Variants in HNRNPUL1 observed in about 807,000 individuals in gnomAD.
HNRNPUL1 encodes the protein heterogeneous nuclear ribonucleoprotein U like 1.
A neutral mutation model predicts 108.5 loss-of-function variants in HNRNPUL1; 14 were observed. The observed-to-expected ratio is 0.13, with a 90% CI of 0.09 to 0.20. The LOEUF (loss-of-function observed/expected upper bound fraction) is 0.20. Among genes scored for constraint, HNRNPUL1 ranks in the 10% least tolerant of loss-of-function variants. The probability of loss-of-function intolerance (pLI) is 1.00; values close to 1 mark genes in which losing one functional copy is unlikely to be tolerated. For synonymous variants in HNRNPUL1, 422 were observed against 445.2 expected (o/e 0.95, Z 0.66); for missense variants, 804 against 1,168.3 (o/e 0.69, Z 4.55).
In HNRNPUL1 at chr19:41,292,004, A is replaced by C. The variant is rs2036610950; in HGVS notation, c.1000-241A>C. The C allele has an allele frequency of 5.7e-6, 3 of 529,556 alleles. No homozygotes were observed. Among genetic ancestry groups the C allele is most frequent in the Admixed American group, 3.4e-5 (1 of 29,686 alleles). 32.8% of individuals were successfully genotyped at this position (529,556 alleles called of 1,614,324 possible). ...CAAAAAAAAAAAAAACAAAAAAAAA[A>C]AACTCTTGCTTACTTGCTTCATATC... On this transcript the variant is annotated intron_variant, in intron 7 of 14. Transcript: ENST00000392006. The surrounding 1 kb of genome is among the most constrained non-coding windows in gnomAD (Gnocchi z 4.1).
chr19:41,285,657 T>C (rs1392025737), intron 7 of HNRNPUL1, among the ~76,000 whole-genome samples: 8 of 152,188 alleles, frequency 5.3e-5, no homozygotes, highest in Admixed American at 5.2e-4. Context: ...ATTGATGCTT[T>C]GTTTCTGAAG....
Position 41,292,170 on chromosome 19 carries a change from C to A in HNRNPUL1, c.1000-75C>A. On this transcript the variant is annotated intron_variant, in intron 7 of 14. Transcript: ENST00000392006. The surrounding 1 kb of genome is among the most constrained non-coding windows in gnomAD (Gnocchi z 4.1). ...GCTGTCCACATTCTACTCCCTGCAT[C>A]TACTGTCCTCACATTTGACTCCCAG... 2.0e-6 allele frequency: 3 copies of A among 1,472,742 alleles called. No individual in the cohort carries two copies. Among genetic ancestry groups the A allele is most frequent in the Non-Finnish European group, 1.9e-6 (2 of 1,062,636 alleles). The allele number at this position is 1,472,742 out of a possible 1,614,324, so 91.2% of individuals were successfully genotyped here.
At chr19:41,281,070 A>G in intron 6 of HNRNPUL1, 93 bp from the exon 7 acceptor site, 1 of 821,156 alleles carries the variant, frequency 1.2e-6, no homozygotes, top group Non-Finnish European at 2.1e-6. Context: ...AAAGAAAATG[A>G]TTTTTTTCTT....
At chr19:41,269,480 G>GAAAA (rs35932282) in intron 2 of HNRNPUL1, among the ~76,000 whole-genome samples, 2 of 48,196 alleles carry the variant, frequency 4.1e-5, no homozygotes, top group Non-Finnish European at 7.9e-5. Flanking sequence ...ACCCTGTCAC[G>GAAAA]AAAAAAAAAA....
chr19:41,269,901 C>T (rs1333488293), intron 2 of HNRNPUL1, among the ~76,000 whole-genome samples: 1 of 151,924 alleles, frequency 6.6e-6, no homozygotes, highest in Non-Finnish European at 1.5e-5. Flanking sequence ...GAGTTCAAGA[C>T]CAGCCTGGGC....
At chr19:41,271,347 A>G (rs2035226868) in intron 2 of HNRNPUL1, among the ~76,000 whole-genome samples, 1 of 152,150 alleles carries the variant, frequency 6.6e-6, no homozygotes, top group South Asian at 2.1e-4. Context: ...AGCCCAACCT[A>G]TTGCTGGGAA....
Position 41,306,539 on chromosome 19 carries a change from A to G in HNRNPUL1, c.2545A>G (p.Thr849Ala). 1 of 1,604,828 alleles carries G rather than the reference A, an allele frequency of 6.2e-7. No homozygotes were observed. Among genetic ancestry groups the G allele is most frequent in the Non-Finnish European group, 8.5e-7 (1 of 1,175,910 alleles). The change falls in exon 15 of 15, where the codon ACA becomes GCA. Residue 849 changes from threonine (T) to alanine (A), a missense_variant. By Grantham distance (58) the Thr-to-Ala change is moderately conservative. Transcript: ENST00000392006. The stretch of plus-strand genomic sequence containing the variant: ...CGACTACGGGAGCTACTCCGGGAAC[A>G]CACAGGGTGGCACAAGTACACAGTA... Reference protein sequence around the residue: ...NYDYGSYSGNTQGGTSTQ With the variant: ...NYDYGSYSGNAQGGTSTQ
At chr19:41,276,329 A>G (rs2035554528) in intron 5 of HNRNPUL1, 31 bp downstream of exon 5, 1 of 1,576,064 alleles carries the variant, frequency 6.3e-7, no homozygotes, top group South Asian at 1.2e-5. Context: ...GGGAAGGGAC[A>G]GAGAAGTCCA....
At chr19:41,264,820 G>A (rs902333299) in intron 1 of HNRNPUL1, 22 bp downstream of exon 1, 6 of 1,342,446 alleles carry the variant, frequency 4.5e-6, no homozygotes, top group Non-Finnish European at 5.7e-6. Context: ...CGGGGCGGGG[G>A]CCGGGGAGCC....
In HNRNPUL1 at chr19:41,292,415, C is replaced by T; in HGVS notation, c.1170C>T (p.Tyr390=). ...EFNFGQRAEP[Y]CSVLPGFTFI... ...ACTTCGGACAGAGAGCAGAGCCCTA[C>T]TGTTCTGTCCTCCCGGGGTTTACCT... Residue 390 remains tyrosine (Y), a synonymous_variant, in exon 8 of 15, where the codon TAC becomes TAT. Transcript: ENST00000392006. The surrounding 1 kb of genome is among the most constrained non-coding windows in gnomAD (Gnocchi z 4.1). 6.2e-7 allele frequency: 1 copy of T among 1,614,218 alleles called. No individual in the cohort carries two copies. Among genetic ancestry groups the T allele is most frequent in the Non-Finnish European group, 8.5e-7 (1 of 1,180,038 alleles).
intron 13 of HNRNPUL1, 62 bp downstream of exon 13, chr19:41,304,323 G>A: frequency 2.0e-6 from 3 of 1,533,442 alleles, no homozygotes; most frequent in South Asian, 1.3e-5. Flanking sequence ...ACCTGAGCAA[G>A]TTAGGTGGAG....
chr19:41,282,882 GA>G (rs1199729606), intron 7 of HNRNPUL1, among the ~76,000 whole-genome samples: 1 of 150,682 alleles, frequency 6.6e-6, no homozygotes, highest in African/African-American at 2.4e-5. Context: ...TTTTAGTAGA[GA>G]CGGGGTTTCA....
At chr19:41,284,099 A>G (rs116038319) in intron 7 of HNRNPUL1, among the ~76,000 whole-genome samples, 4 of 152,330 alleles carry the variant, frequency 2.6e-5, no homozygotes, top group African/African-American at 9.6e-5. Flanking sequence ...TTACTGCAAT[A>G]TCATAAGCCT....
intron 7 of HNRNPUL1, among the ~76,000 whole-genome samples, chr19:41,291,679 C>T (rs2036582107): frequency 6.6e-6 from 1 of 152,078 alleles, no homozygotes; most frequent in Admixed American, 6.5e-5. Context: ...ATACTTGGAG[C>T]TTCTTAAAAT....
At chr19:41,267,697 CTTGGGGCCCTAA>C (rs2034938306) in intron 1 of HNRNPUL1, among the ~76,000 whole-genome samples, 1 of 152,230 alleles carries the variant, frequency 6.6e-6, no homozygotes, top group Non-Finnish European at 1.5e-5. Flanking sequence ...TGGTAGGGCC[CTTGGGGCCCTAA>C]CTGAGAGCTA....
At chr19:41,281,948 T>G (rs2035920755) in intron 7 of HNRNPUL1, among the ~76,000 whole-genome samples, 1 of 152,228 alleles carries the variant, frequency 6.6e-6, no homozygotes, top group Non-Finnish European at 1.5e-5. Flanking sequence ...CTCAGAATTT[T>G]GTGTGGAGTC....
chr19:41,263,860 T>C (rs1379904978), upstream of HNRNPUL1, among the ~76,000 whole-genome samples: 1 of 152,150 alleles, frequency 6.6e-6, no homozygotes, highest in African/African-American at 2.4e-5. Flanking sequence ...CCTGGTGAAT[T>C]CATCTCTTTC....
At chr19:41,263,641 C>T (rs1019251457), upstream of HNRNPUL1, among the ~76,000 whole-genome samples, 1 of 152,238 alleles carries the variant, frequency 6.6e-6, no homozygotes, top group Admixed American at 6.5e-5. Flanking sequence ...AACTGGGTTC[C>T]TTCCAGATTA....
chr19:41,273,991 T>TC lies in HNRNPUL1; in HGVS notation c.584dup (p.Gln196SerfsTer5), dbSNP rs1257701915. On this transcript the variant is annotated frameshift_variant, in exon 4 of 15. Coordinates refer to ENST00000392006, the MANE Select transcript of HNRNPUL1 (RefSeq NM_007040.6). LOFTEE classifies it high-confidence loss of function. Reference sequence around the variant, plus strand: ...CCTGTTTCTAATACAGGGGCCGCTCTCCTCAGCCTCCTGCTGAAGAGGATG... The same window carrying TC: ...CCTGTTTCTAATACAGGGGCCGCTCTCCCTCAGCCTCCTGCTGAAGAGGATG... The TC allele has an allele frequency of 6.2e-7, 1 of 1,614,062 alleles. No individual in the cohort carries two copies. Among genetic ancestry groups the TC allele is most frequent in the Admixed American group, 1.7e-5 (1 of 60,026 alleles).
Sources: allele counts gnomAD v4.1 joint callset (sites outside exome capture counted in the v4.1 genomes callset), GRCh38; gene constraint gnomAD v4.1.1; non-coding constraint Gnocchi (gnomAD v3.1); transcripts MANE v1.5; gene names NCBI Gene and HGNC (gene_info 2026-07-23, HGNC 2026-07-21).